OR9Q1: variants seen among roughly 807,000 people sequenced by gnomAD.
OR9Q1 encodes the protein olfactory receptor family 9 subfamily Q member 1, also known as olfactory receptor 9Q1.
For missense variants in OR9Q1, 374 were observed against 378.8 expected, an observed-to-expected ratio of 0.99 and a Z score of 0.11; for synonymous variants, 153 against 148.6, an observed-to-expected ratio of 1.03 and a Z score of -0.22.
intron 1 of OR9Q1, chr11:58,044,711 G>T (rs1853199246): frequency 6.6e-6 from 1 of 152,166 alleles, no homozygotes; most frequent in African/African-American, 2.4e-5. Context: ...TGTACAGGGT[G>T]TTAGGGAAAC....
intron 2 of OR9Q1, among the ~76,000 whole-genome samples, chr11:58,152,144 G>T (rs1370237647): frequency 6.6e-6 from 1 of 152,126 alleles, no homozygotes; most frequent in African/African-American, 2.4e-5. Flanking sequence ...ATTGGTATGA[G>T]GACCCGGGGA....
At chr11:58,158,710 A>G (rs1447783018) in intron 2 of OR9Q1, among the ~76,000 whole-genome samples, 2 of 152,174 alleles carry the variant, frequency 1.3e-5, no homozygotes, top group African/African-American at 2.4e-5. Context: ...AAGATGGGCT[A>G]GTTTGAGACC....
chr11:58,063,154 A>C (rs1590565978), intron 2 of OR9Q1, among the ~76,000 whole-genome samples: 1 of 152,068 alleles, frequency 6.6e-6, no homozygotes, highest in South Asian at 2.1e-4. Flanking sequence ...TTTCCCTACT[A>C]TTTGCTTCTG....
At chr11:58,103,101 G>A (rs765524827) in intron 2 of OR9Q1, among the ~76,000 whole-genome samples, 2 of 152,078 alleles carry the variant, frequency 1.3e-5, no homozygotes, top group South Asian at 2.1e-4. Flanking sequence ...AATTTATAAG[G>A]GAAAGAGGTT....
At chr11:58,072,052 G>T (rs929947908) in intron 2 of OR9Q1, among the ~76,000 whole-genome samples, 3 of 152,020 alleles carry the variant, frequency 2.0e-5, no homozygotes, top group Non-Finnish European at 2.9e-5. Context: ...ATGTACAATT[G>T]CACTTAAAAT....
chr11:58,031,258 A>C lies in OR9Q1; in HGVS notation c.-93+7154A>C, dbSNP rs766813004. ...AGAATATCTCTTATGCTGATTGCCT[A>C]TCCCAGCTCTTCATCTTCACCTTTC... On this transcript the variant is annotated intron_variant, in intron 1 of 2. Transcript: ENST00000335397. The C allele has an allele frequency of 4.5e-5, 72 of 1,613,998 alleles. 2 individuals are homozygous for C. In the South Asian group the frequency reaches 7.9e-4, roughly 18 times the overall value.
chr11:58,065,657 C>G (rs2513729), intron 2 of OR9Q1, among the ~76,000 whole-genome samples: 101,786 of 152,006 alleles, frequency 0.67, 34,532 homozygotes, highest in Middle Eastern at 0.79. Context: ...CATCTTGCCT[C>G]TCATGGCTTT....
intron 2 of OR9Q1, among the ~76,000 whole-genome samples, chr11:58,168,793 A>G (rs1466176748): frequency 6.6e-6 from 1 of 152,040 alleles, no homozygotes; most frequent in African/African-American, 2.4e-5. Context: ...TTTGTAGTCC[A>G]TATTGTCTAA....
At chr11:58,167,850 A>G (rs1161089991) in intron 2 of OR9Q1, among the ~76,000 whole-genome samples, 3 of 152,202 alleles carry the variant, frequency 2.0e-5, no homozygotes, top group African/African-American at 7.2e-5. Context: ...CTTGAAGCCT[A>G]GTTTCAGAAA....
At chr11:58,123,544 T>C (rs1366819291) in intron 2 of OR9Q1, among the ~76,000 whole-genome samples, 1 of 152,196 alleles carries the variant, frequency 6.6e-6, no homozygotes, top group African/African-American at 2.4e-5. Context: ...ACATTAGCTC[T>C]AGTCCTTCCT....
At chr11:58,142,421 G>A (rs1854259321) in intron 2 of OR9Q1, among the ~76,000 whole-genome samples, 1 of 151,994 alleles carries the variant, frequency 6.6e-6, no homozygotes, top group Admixed American at 6.6e-5. Context: ...TAAGAACATG[G>A]CGAATCATTG....
chr11:58,114,602 C>A (rs902918397), intron 2 of OR9Q1, among the ~76,000 whole-genome samples: 7 of 152,070 alleles, frequency 4.6e-5, no homozygotes, highest in Non-Finnish European at 7.4e-5. Context: ...AAGTGGCAGA[C>A]CCTGAATGAT....
chr11:58,177,395 C>A (rs1281918701), intron 2 of OR9Q1, among the ~76,000 whole-genome samples: 4 of 152,108 alleles, frequency 2.6e-5, no homozygotes, highest in African/African-American at 9.7e-5. Flanking sequence ...GATACTTAAG[C>A]CCTTTCTTTC....
chr11:58,128,023 A>T (rs895758079), intron 2 of OR9Q1, among the ~76,000 whole-genome samples: 1 of 152,112 alleles, frequency 6.6e-6, no homozygotes, highest in African/African-American at 2.4e-5. Context: ...AAAATTTTTG[A>T]CACTAACTCT....
intron 2 of OR9Q1, among the ~76,000 whole-genome samples, chr11:58,171,879 C>T (rs1035752295): frequency 6.6e-6 from 1 of 152,138 alleles, no homozygotes; most frequent in Admixed American, 6.6e-5. Flanking sequence ...CCATAAAGTC[C>T]AGCTCTAGGG....
intron 2 of OR9Q1, chr11:58,108,922 G>A (rs1853868845): frequency 5.4e-6 from 2 of 370,632 alleles, no homozygotes; most frequent in South Asian, 4.0e-5. Flanking sequence ...GAGGACAACA[G>A]TGGTGAGATG....
At chr11:58,075,417 C>T (rs1341874323) in intron 2 of OR9Q1, 1 of 152,228 alleles carries the variant, frequency 6.6e-6, no homozygotes, top group Non-Finnish European at 1.5e-5. Flanking sequence ...GCAGCAGACA[C>T]CTGTTTAGGG....
At chr11:58,068,913 A>G (rs1853460451) in intron 2 of OR9Q1, among the ~76,000 whole-genome samples, 1 of 152,132 alleles carries the variant, frequency 6.6e-6, no homozygotes, top group Admixed American at 6.5e-5. Flanking sequence ...GCATCCATGA[A>G]TATAAATTGT....
At chr11:58,064,522 A>G (rs1403800321) in intron 2 of OR9Q1, among the ~76,000 whole-genome samples, 1 of 152,026 alleles carries the variant, frequency 6.6e-6, no homozygotes, top group Non-Finnish European at 1.5e-5. Context: ...CCCTCCAACC[A>G]CGCCCAGGAG....
Sources: allele counts gnomAD v4.1 joint callset (sites outside exome capture counted in the v4.1 genomes callset), GRCh38; gene constraint gnomAD v4.1.1; transcripts MANE v1.5; gene names NCBI Gene and HGNC (gene_info 2026-07-23, HGNC 2026-07-21).